The following ADH1C variants were observed in gnomAD, a reference collection of about 807,000 sequenced individuals.
ADH1C encodes the protein alcohol dehydrogenase 1C (class I), gamma polypeptide.
A neutral mutation model predicts 35.0 loss-of-function variants in ADH1C; 26 were observed. That is an observed-to-expected ratio of 0.74 (90% CI 0.54 to 1.03). ADH1C has a LOEUF of 1.03. ADH1C is among the 50% of genes least tolerant of loss of function. ADH1C has a pLI of 0.00. For synonymous variants in ADH1C, 170 were observed against 169.3 expected, an observed-to-expected ratio of 1.00 and a Z score of -0.03; for missense variants, 413 against 465.4, an observed-to-expected ratio of 0.89 and a Z score of 1.04.
At chr4:99,340,109 A>G (rs1229175871) in intron 7 of ADH1C, among the ~76,000 whole-genome samples, 1 of 152,226 alleles carries the variant, frequency 6.6e-6, no homozygotes, top group African/African-American at 2.4e-5. Context: ...GTTAATAGTG[A>G]CATCAGAAAA....
Position 99,347,736 on chromosome 4 carries a change from G to T in ADH1C, c.120+9C>A, listed in dbSNP as rs1480547953. On this transcript the variant is annotated intron_variant, in intron 2 of 8. Coordinates refer to ENST00000515683, the MANE Select transcript of ADH1C (RefSeq NM_000669.5). ...TTAAAATTAAATACAAATGGAAAAA[G>T]TATTTCACCTTAATGCGAACTTCAT... 6.3e-7 allele frequency: 1 copy of T among 1,597,420 alleles called. No individual in the cohort carries two copies. The highest frequency in any genetic ancestry group is 8.5e-7 in the Non-Finnish European group (1 of 1,172,314).
chr4:99,345,528 T>C (rs1046488012), intron 3 of ADH1C, among the ~76,000 whole-genome samples: 1 of 152,348 alleles, frequency 6.6e-6, no homozygotes, highest in South Asian at 2.1e-4. Flanking sequence ...ACTGTGTTAA[T>C]AAAATTTTAC....
At chr4:99,352,195 C>T (rs778016040) in intron 1 of ADH1C, among the ~76,000 whole-genome samples, 5 of 143,048 alleles carry the variant, frequency 3.5e-5, no homozygotes, top group Non-Finnish European at 6.4e-5. Context: ...AAATCCCTCT[C>T]ATAAAAGTTT....
rs1384383040 is a variant in ADH1C, at chr4:99,340,674, T to C, written c.865A>G (p.Thr289Ala). The C allele has an allele frequency of 1.2e-6, 2 of 1,612,934 alleles. No homozygotes were observed. Among genetic ancestry groups the C allele is most frequent in the African/African-American group, 1.3e-5 (1 of 74,896 alleles). ...SLLCCHEACGTSVIVGVPPDS... is the reference protein window; with the variant it reads ...SLLCCHEACGASVIVGVPPDS... ...GGAGGTACCCCTACAATGACACTTG[T>C]GCCACATGCCTCATGACAACATAAC... Residue 289 changes from threonine to alanine, a missense_variant, in exon 7 of 9, where the codon ACA (threonine) becomes GCA (alanine). Thr to Ala is a moderately conservative substitution (Grantham distance 58, BLOSUM62 0). Transcript: ENST00000515683.
In ADH1C at chr4:99,340,571, A is replaced by G. The variant is rs1184224382; in HGVS notation, c.964+4T>C. 2 of 1,614,058 alleles carry G rather than the reference A, an allele frequency of 1.2e-6. No homozygotes were observed. The highest frequency in any genetic ancestry group is 1.7e-6 in the Non-Finnish European group (2 of 1,180,014). ...GAATTTGGCTCTGAAGCCTAACTAC[A>G]TACCTCCAAAAATAGCTCCTTTCCA... On this transcript the variant is annotated splice_donor_region_variant and intron_variant, in intron 7 of 8. Transcript: ENST00000515683.
Position 99,340,721 on chromosome 4 carries a change from G to T in ADH1C, c.829-11C>A, listed in dbSNP as rs1277464526. On this transcript the variant is annotated splice_polypyrimidine_tract_variant and intron_variant, in intron 6 of 8. Coordinates refer to ENST00000515683, the MANE Select transcript of ADH1C (RefSeq NM_000669.5). The stretch of plus-strand genomic sequence containing the variant: ...TAACAGGGAAGCCATCTGGAATAAA[G>T]TGAACATTTAGTATCCTTAACGTGG... 3.7e-6 allele frequency: 6 copies of T among 1,612,220 alleles called. No homozygotes were observed. The highest frequency in any genetic ancestry group is 5.1e-6 in the Non-Finnish European group (6 of 1,179,950).
At chr4:99,352,534 AATT>A (rs1734701035) in intron 1 of ADH1C, 121 bp downstream of exon 1, 1 of 683,362 alleles carries the variant, frequency 1.5e-6, no homozygotes, top group African/African-American at 1.8e-5. Context: ...ATGAATTTTA[AATT>A]ATTCATCATC....
At chr4:99,342,010 CAA>C (rs33982136) in intron 6 of ADH1C, among the ~76,000 whole-genome samples, 56,795 of 138,344 alleles carry the variant, frequency 0.41, 12,818 homozygotes, top group Admixed American at 0.55. Flanking sequence ...GACCCTGTCT[CAA>C]AAAAAAAAAA....
Position 99,347,099 on chromosome 4 carries a change from C to T in ADH1C, c.166G>A (p.Gly56Ser). The T allele has an allele frequency of 6.2e-7, 1 of 1,614,122 alleles. No homozygotes were observed. The highest frequency in any genetic ancestry group is 8.5e-7 in the Non-Finnish European group (1 of 1,180,016). ...ACAGGAAGGGGGGTCACCAGGTTGCCACTAACCACATGCTCATCTGAACGA... is the reference window on the plus strand; with the variant it reads ...ACAGGAAGGGGGGTCACCAGGTTGCTACTAACCACATGCTCATCTGAACGA... ...ICRSDEHVVS[G>S]NLVTPLPVIL... Residue 56 changes from glycine to serine, a missense_variant, in exon 3 of 9, where the codon GGC (glycine) becomes AGC (serine). Physicochemically the swap from Gly to Ser is moderately conservative, Grantham distance 56. Transcript: ENST00000515683.
At chr4:99,336,831 C>T in intron 8 of ADH1C, 55 bp from the exon 9 acceptor site, 1 of 1,609,620 alleles carries the variant, frequency 6.2e-7, no homozygotes, top group South Asian at 1.1e-5. Flanking sequence ...CACATGCTTC[C>T]ATGTGATAGT....
At chr4:99,339,478 CA>C in intron 8 of ADH1C, 98 bp downstream of exon 8, 7 of 1,200,738 alleles carry the variant, frequency 5.8e-6, no homozygotes, top group Non-Finnish European at 7.9e-6. Flanking sequence ...AATTTTTTCT[CA>C]TCCTTCCACC....
chr4:99,342,811 C>G lies in ADH1C; in HGVS notation c.812G>C (p.Gly271Ala). ...GGATCATACCATGGTGTCAAGCCGA[C>G]CGATGACTTCAAACGAAAAATCCAC... Reference protein sequence around the residue: ...GGVDFSFEVIGRLDTMMASLL... With the variant: ...GGVDFSFEVIARLDTMMASLL... The change falls in exon 6 of 9, where the codon GGT becomes GCT. Residue 271 changes from glycine (G) to alanine (A), a missense_variant. Transcript: ENST00000515683. 1 of 1,614,010 alleles carries G rather than the reference C, an allele frequency of 6.2e-7. No individual in the cohort carries two copies. Among genetic ancestry groups the G allele is most frequent in the Middle Eastern group, 1.7e-4 (1 of 6,058 alleles).
intron 1 of ADH1C, among the ~76,000 whole-genome samples, chr4:99,351,506 CATT>C (rs765154924): frequency 2.0e-5 from 3 of 152,124 alleles, no homozygotes; most frequent in Non-Finnish European, 4.4e-5. Flanking sequence ...TCTATGAACT[CATT>C]ATTTCTTTTA....
chr4:99,351,138 A>G (rs1042411547), intron 1 of ADH1C: 4 of 150,612 alleles, frequency 2.7e-5, no homozygotes, highest in African/African-American at 4.8e-5. Flanking sequence ...TCCATCTCCA[A>G]ACAAAAAAAC....
chr4:99,340,604 C>G lies in ADH1C; in HGVS notation c.935G>C (p.Gly312Ala). Residue 312 changes from glycine (G) to alanine (A), a missense_variant, in exon 7 of 9, where the codon GGA (glycine) becomes GCA (alanine). Coordinates refer to ENST00000515683, the MANE Select transcript of ADH1C (RefSeq NM_000669.5). The stretch of plus-strand genomic sequence containing the variant: ...AAAAATAGCTCCTTTCCACGTGCGT[C>G]CAGTCAGTAGCAGCATAGGGTTTAT... ...LSINPMLLLT[G>A]RTWKGAIFGG... The G allele has an allele frequency of 1.9e-6, 3 of 1,614,116 alleles. No homozygotes were observed. The highest frequency in any genetic ancestry group is 2.5e-6 in the Non-Finnish European group (3 of 1,180,000).
At chr4:99,344,356 C>T (rs1734479346) in intron 5 of ADH1C, among the ~76,000 whole-genome samples, 1 of 152,162 alleles carries the variant, frequency 6.6e-6, no homozygotes, top group Admixed American at 6.5e-5. Flanking sequence ...TTATTACTTT[C>T]CGTCTAAGAA....
intron 5 of ADH1C, among the ~76,000 whole-genome samples, chr4:99,344,232 TAAAGAATTTCTGCTTGA>T (rs1216227594): frequency 2.0e-5 from 3 of 152,210 alleles, no homozygotes; most frequent in African/African-American, 7.2e-5. Context: ...GAGGAGCCTT[TAAAGAATTTCTGCTTGA>T]AATTTACCAC....
chr4:99,343,504 T>C (rs1734462417), intron 5 of ADH1C, among the ~76,000 whole-genome samples: 1 of 152,152 alleles, frequency 6.6e-6, no homozygotes, highest in Non-Finnish European at 1.5e-5. Flanking sequence ...CAAGGCAATA[T>C]TCGGAAAATA....
rs1734325858 is a variant in ADH1C at position 99,338,393 on chromosome 4, T to TATATATATA, written c.1103+1183_1103+1184insTATATATAT. 5.5e-5 allele frequency among the ~76,000 whole-genome samples: 4 copies of TATATATATA among 73,096 alleles called. 1 individual carries two copies. The East Asian group carries it at 1.6e-3, about 30-fold the overall frequency. 48.0% of individuals were successfully genotyped at this position (73,096 alleles called of 152,430 possible). ...TAATTAACCTTTGATGAATACTGTT[T>TATATATATA]TCTATATATATATATATATATATAT... On this transcript the variant is annotated intron_variant, in intron 8 of 8. Transcript: ENST00000515683.
Sources: allele counts gnomAD v4.1 joint callset (sites outside exome capture counted in the v4.1 genomes callset), GRCh38; gene constraint gnomAD v4.1.1; transcripts MANE v1.5; gene names NCBI Gene and HGNC (gene_info 2026-07-23, HGNC 2026-07-21).